Variants in CPS1 observed in about 807,000 individuals in gnomAD.
CPS1 encodes the protein carbamoyl-phosphate synthase 1, also known as carbamoyl-phosphate synthase [ammonia], mitochondrial.
A neutral mutation model predicts 174.6 loss-of-function variants in CPS1; 109 were observed. That is an observed-to-expected ratio of 0.62 (90% CI 0.53 to 0.73). CPS1 has a LOEUF of 0.73. Ranked by LOEUF, CPS1 falls within the 30% of genes least tolerant of loss-of-function variation. The pLI, the probability that CPS1 is intolerant of heterozygous loss-of-function variation, is 0.00. For synonymous variants in CPS1, 637 were observed against 632.0 expected (o/e 1.01, Z -0.12); for missense variants, 1,689 against 1,821.9 (o/e 0.93, Z 1.33).
chr2:210,625,817 T>C (rs2105880367), intron 21 of CPS1, among the ~76,000 whole-genome samples: 1 of 152,232 alleles, frequency 6.6e-6, no homozygotes, highest in African/African-American at 2.4e-5. Flanking sequence ...AAGGTATGAA[T>C]TCTACTCAGG....
Position 210,494,957 on chromosome 2 carries a change from G to T in CPS1, c.3+17191G>T, listed in dbSNP as rs78615572. On this transcript the variant is annotated intron_variant, in intron 1 of 38. Coordinates refer to the CPS1 transcript ENST00000430249. ...TATGGCTGCACATTATAATAACCTA[G>T]CAAGCTTCTAAAACATACCAATTAA... Among the ~76,000 whole-genome samples, 1,238 of 152,284 alleles carry T rather than the reference G, an allele frequency of 8.1e-3. 11 individuals carry two copies. The highest frequency in any genetic ancestry group is 0.028 in the African/African-American group (1,169 of 41,558).
At chr2:210,483,151 G>T (rs1694621629) in intron 1 of CPS1, among the ~76,000 whole-genome samples, 1 of 152,078 alleles carries the variant, frequency 6.6e-6, no homozygotes, top group Non-Finnish European at 1.5e-5. Context: ...ATACCTTTAA[G>T]CCAGGGGTAA....
chr2:210,583,129 T>A (rs1697984197), intron 6 of CPS1, among the ~76,000 whole-genome samples: 1 of 152,156 alleles, frequency 6.6e-6, no homozygotes, highest in Admixed American at 6.6e-5. Context: ...GGGCATTTTG[T>A]GCAGGAAAAA....
chr2:210,498,906 A>C (rs755411306), intron 1 of CPS1, among the ~76,000 whole-genome samples: 1 of 152,122 alleles, frequency 6.6e-6, no homozygotes, highest in African/African-American at 2.4e-5. Context: ...ATGCCTGTGC[A>C]TGGAGTAAAG....
At chr2:210,639,618 C>CA (rs397987630) in intron 23 of CPS1, among the ~76,000 whole-genome samples, 9,811 of 31,810 alleles carry the variant, frequency 0.31, 1,830 homozygotes, top group African/African-American at 0.38. Context: ...GACTCCGTCT[C>CA]AAAAAAAAAA....
At chr2:210,666,475 C>G (rs1701101807) in intron 33 of CPS1, among the ~76,000 whole-genome samples, 1 of 151,488 alleles carries the variant, frequency 6.6e-6, no homozygotes, top group South Asian at 2.1e-4. Context: ...ACGTTTAAGT[C>G]TTTAATCCAT....
intron 34 of CPS1, among the ~76,000 whole-genome samples, chr2:210,668,700 C>T (rs752502063): frequency 2.0e-5 from 3 of 152,036 alleles, no homozygotes; most frequent in Non-Finnish European, 4.4e-5. Flanking sequence ...TTGATTTTCC[C>T]CCTTGCCAAT....
intron 1 of CPS1, among the ~76,000 whole-genome samples, chr2:210,486,348 T>C (rs1318681282): frequency 6.6e-6 from 1 of 152,192 alleles, no homozygotes; most frequent in Non-Finnish European, 1.5e-5. Context: ...CTTCAGCTTG[T>C]CTTTTCATTC....
At chr2:210,629,313 C>T (rs1035506353) in intron 21 of CPS1, among the ~76,000 whole-genome samples, 2 of 151,230 alleles carry the variant, frequency 1.3e-5, no homozygotes, top group Non-Finnish European at 3.0e-5. Context: ...TATCAGCATC[C>T]TTTTTTTTTC....
Position 210,678,220 on chromosome 2 carries a change from A to G in CPS1, c.*235A>G. On this transcript the variant is annotated 3_prime_UTR_variant, in exon 38 of 38. Coordinates refer to ENST00000233072, the MANE Select transcript of CPS1 (RefSeq NM_001875.5). Reference sequence around the variant, plus strand: ...GATTTCATCCATTTACTAATACTGTATTTTTGGTGGACTAGGCTTGCCTAT... The same window carrying G: ...GATTTCATCCATTTACTAATACTGTGTTTTTGGTGGACTAGGCTTGCCTAT... 3.5e-6 allele frequency: 2 copies of G among 571,580 alleles called. No individual in the cohort carries two copies. The highest frequency in any genetic ancestry group is 6.3e-6 in the Non-Finnish European group (2 of 315,248). The allele number at this position is 571,580 out of a possible 1,614,324, so 35.4% of individuals were successfully genotyped here.
In CPS1 at chr2:210,594,490, G is replaced by A. The variant is rs769008615; in HGVS notation, c.1165-18G>A. ...GGAATTTTGAAGCTTCTAACTAGTTGGTTGTATTTTTTTCTAGTACCTGTT... is the reference window on the plus strand; with the variant it reads ...GGAATTTTGAAGCTTCTAACTAGTTAGTTGTATTTTTTTCTAGTACCTGTT... On this transcript the variant is annotated intron_variant, in intron 11 of 37. Transcript: ENST00000233072. The A allele has an allele frequency of 5.2e-6, 8 of 1,551,138 alleles. No individual in the cohort carries two copies. In the South Asian group the frequency reaches 5.6e-5, roughly 11 times the overall value.
intron 1 of CPS1, among the ~76,000 whole-genome samples, chr2:210,490,067 A>AG (rs1553717988): frequency 1.3e-5 from 2 of 150,880 alleles, no homozygotes; most frequent in Admixed American, 1.3e-4. Flanking sequence ...GATGGAAGGA[A>AG]GAAGGAAGGA....
intron 1 of CPS1, among the ~76,000 whole-genome samples, chr2:210,548,581 T>C (rs1350986396): frequency 6.6e-6 from 1 of 152,054 alleles, no homozygotes; most frequent in Admixed American, 6.6e-5. Flanking sequence ...AAGTAGGCAC[T>C]TTTGACTAAT....
At chr2:210,624,450 A>T (rs982960434) in intron 21 of CPS1, among the ~76,000 whole-genome samples, 1 of 152,110 alleles carries the variant, frequency 6.6e-6, no homozygotes, top group Non-Finnish European at 1.5e-5. Context: ...GTACTAAAAA[A>T]TGGGGCTTAT....
At chr2:210,646,502 T>C (rs1456277246) in intron 25 of CPS1, among the ~76,000 whole-genome samples, 1 of 152,050 alleles carries the variant, frequency 6.6e-6, no homozygotes, top group Non-Finnish European at 1.5e-5. Context: ...CTTATAAGAG[T>C]ATTTCAGAAC....
At chr2:210,552,893 A>G (rs1328571785), upstream of CPS1, among the ~76,000 whole-genome samples, 2 of 152,066 alleles carry the variant, frequency 1.3e-5, no homozygotes, top group East Asian at 1.9e-4. Flanking sequence ...GTGATTTAAA[A>G]TAGAAATGAA....
chr2:210,485,770 C>A (rs1157536762), intron 1 of CPS1, among the ~76,000 whole-genome samples: 1 of 152,054 alleles, frequency 6.6e-6, no homozygotes, highest in East Asian at 1.9e-4. Context: ...TACAGTCTTT[C>A]ATTTCTCTTG....
intron 25 of CPS1, among the ~76,000 whole-genome samples, chr2:210,644,089 G>A (rs1266790582): frequency 6.6e-6 from 1 of 152,046 alleles, no homozygotes; most frequent in African/African-American, 2.4e-5. Context: ...TCATGAAATG[G>A]TTTAAAGAAA....
intron 29 of CPS1, 43 bp downstream of exon 29, chr2:210,654,145 C>T (rs746916317): frequency 1.3e-6 from 2 of 1,546,690 alleles, no homozygotes; most frequent in African/African-American, 1.4e-5. Context: ...GCCTTCTCAT[C>T]ATTTTTTTCT....
Sources: gnomAD v4.1 joint callset for allele counts (sites outside exome capture counted in the v4.1 genomes callset) on GRCh38, gnomAD v4.1.1 for gene constraint, MANE v1.5 for transcripts, NCBI Gene and HGNC (gene_info 2026-07-23, HGNC 2026-07-21) for gene names.